Variants in CFAP43 observed in about 807,000 individuals in gnomAD.
CFAP43 encodes the protein cilia- and flagella-associated protein 43.
A neutral mutation model predicts 218.9 loss-of-function variants in CFAP43; 155 were observed. That is an observed-to-expected ratio of 0.71 (90% CI 0.62 to 0.81). The LOEUF is 0.81. Among genes scored for constraint, CFAP43 ranks in the 30% least tolerant of loss-of-function variants. The pLI is 0.00. For missense variants in CFAP43, 1,778 were observed against 1,954.3 expected (o/e 0.91, Z 1.70); for synonymous variants, 645 against 681.3 (o/e 0.95, Z 0.83).
intron 3 of CFAP43, among the ~76,000 whole-genome samples, chr10:104,221,391 G>C (rs555359544): frequency 6.6e-6 from 1 of 152,260 alleles, no homozygotes; most frequent in Admixed American, 6.5e-5. Context: ...TGGGGTATTG[G>C]GACTTTTGGG....
chr10:104,213,127 G>C (rs1401651033), intron 4 of CFAP43, among the ~76,000 whole-genome samples: 1 of 152,218 alleles, frequency 6.6e-6, no homozygotes, highest in Non-Finnish European at 1.5e-5. Flanking sequence ...TCTCACTAGA[G>C]ACAGATTTGG....
chr10:104,147,508 C>A (rs1007261266), intron 29 of CFAP43, among the ~76,000 whole-genome samples: 2 of 151,988 alleles, frequency 1.3e-5, no homozygotes, highest in African/African-American at 4.8e-5. Context: ...TAAATCTTAG[C>A]GTGTCCAGAG....
chr10:104,207,196 C>T (rs944201253), intron 6 of CFAP43, among the ~76,000 whole-genome samples: 6 of 152,026 alleles, frequency 3.9e-5, no homozygotes, highest in Admixed American at 3.9e-4. Context: ...AAAACAACAC[C>T]TCTAACCGAG....
At chr10:104,136,195 G>A (rs781616400) in intron 34 of CFAP43, among the ~76,000 whole-genome samples, 2 of 131,100 alleles carry the variant, frequency 1.5e-5, no homozygotes, top group East Asian at 4.8e-4. Flanking sequence ...AGGTTGCAGT[G>A]AGCCAAGATC....
At chr10:104,191,773 A>G (rs2090226364) in intron 12 of CFAP43, among the ~76,000 whole-genome samples, 1 of 114,414 alleles carries the variant, frequency 8.7e-6, no homozygotes, top group African/African-American at 3.9e-5. Flanking sequence ...GAGAATTTTA[A>G]AAAAAATTGT....
chr10:104,149,226 G>C (rs2088130091), intron 28 of CFAP43, among the ~76,000 whole-genome samples: 1 of 152,138 alleles, frequency 6.6e-6, no homozygotes, highest in African/African-American at 2.4e-5. Context: ...AAGACTATAG[G>C]TGGTATTGTG....
intron 19 of CFAP43, among the ~76,000 whole-genome samples, chr10:104,173,667 C>T (rs892689452): frequency 2.6e-4 from 40 of 152,180 alleles, no homozygotes; most frequent in African/African-American, 9.7e-4. Flanking sequence ...ACCACCCCCA[C>T]CACACAATGG....
chr10:104,216,306 C>T (rs75783626), intron 3 of CFAP43, among the ~76,000 whole-genome samples: 19,221 of 152,226 alleles, frequency 0.13, 1,339 homozygotes, highest in South Asian at 0.21. Flanking sequence ...TTCACCACAA[C>T]CACCTTCTGG....
At chr10:104,220,830 G>A (rs187065897) in intron 3 of CFAP43, among the ~76,000 whole-genome samples, 102 of 152,300 alleles carry the variant, frequency 6.7e-4, no homozygotes, top group African/African-American at 2.4e-3. Flanking sequence ...TGTATGCCCT[G>A]GTAGAACAGT....
In CFAP43 at chr10:104,141,516, G is replaced by T. The variant is rs553846048; in HGVS notation, c.4272-515C>A. 5.2e-3 allele frequency among the ~76,000 whole-genome samples: 797 copies of T among 152,180 alleles called. 3 individuals carry two copies. Among genetic ancestry groups the T allele is most frequent in the Non-Finnish European group, 9.7e-3 (659 of 68,004 alleles). On this transcript the variant is annotated intron_variant, in intron 33 of 37. Transcript: ENST00000357060. ...AATCCCAGCTGCTTGGGAGGCTGAG[G>T]CATGAGATCTCTTGAACCTGGGAGG... is the stretch of plus-strand genomic sequence containing the variant.
intron 23 of CFAP43, among the ~76,000 whole-genome samples, chr10:104,164,706 T>C (rs1434714078): frequency 6.6e-6 from 1 of 152,174 alleles, no homozygotes; most frequent in Non-Finnish European, 1.5e-5. Flanking sequence ...CCCCACAAAT[T>C]ATCTTTTAAG....
intron 3 of CFAP43, among the ~76,000 whole-genome samples, chr10:104,221,779 CTCTT>C (rs533415074): frequency 3.4e-4 from 52 of 152,166 alleles, no homozygotes; most frequent in Non-Finnish European, 7.2e-4. Flanking sequence ...AAGTTTCAGT[CTCTT>C]TCTTTAAAAT....
At chr10:104,139,895 AAT>A (rs2087628681) in intron 34 of CFAP43, among the ~76,000 whole-genome samples, 2 of 152,202 alleles carry the variant, frequency 1.3e-5, no homozygotes, top group Admixed American at 6.5e-5. Flanking sequence ...AAATAATAGC[AAT>A]ATGTTTTGTG....
intron 19 of CFAP43, among the ~76,000 whole-genome samples, 185 bp downstream of exon 19, chr10:104,178,844 G>A (rs1341703611): frequency 1.3e-5 from 2 of 152,080 alleles, no homozygotes; most frequent in African/African-American, 2.4e-5. Context: ...GGGAAGATGG[G>A]GAAAACCGCT....
rs74389789 is a variant in CFAP43, at chr10:104,155,852, G to A, written c.3541-3126C>T. 6.8e-3 allele frequency among the ~76,000 whole-genome samples: 1,037 copies of A among 151,956 alleles called. 10 individuals are homozygous for A. Among genetic ancestry groups the A allele is most frequent in the Non-Finnish European group, 0.012 (836 of 67,984 alleles). On this transcript the variant is annotated intron_variant, in intron 27 of 37. Transcript: ENST00000357060. Reference sequence around the variant, plus strand: ...CTGAGGAACAGTAAGGAAATCAGTGGAACTGGAACAGTTAATGAGGGAAAG... The same window carrying A: ...CTGAGGAACAGTAAGGAAATCAGTGAAACTGGAACAGTTAATGAGGGAAAG...
intron 1 of CFAP43, 59 bp from the exon 2 acceptor site, chr10:104,230,902 A>T: frequency 7.0e-7 from 1 of 1,438,102 alleles, no homozygotes; most frequent in Non-Finnish European, 9.3e-7. Flanking sequence ...TTTTTTTTTT[A>T]ACAAAGCAAA....
chr10:104,164,504 TCTCCTGCCTCAGC>T (rs1003121918), intron 23 of CFAP43, among the ~76,000 whole-genome samples: 7 of 151,900 alleles, frequency 4.6e-5, no homozygotes, highest in Admixed American at 1.3e-4. Flanking sequence ...TTCACGCCAT[TCTCCTGCCTCAGC>T]CTCCTGAGTA....
In CFAP43 at chr10:104,203,726, T is replaced by G. The variant is rs1383189212; in HGVS notation, c.1041A>C (p.Val347=). ...AATTGGGAGAAAATGTCATATGTTC[T>G]ACAGGTCTTTCAATCTCAAGAAAAT... ...IEDFLEIERP[V]EHMTFSPNYT... is the part of the protein sequence containing the mutation. Residue 347 remains valine (V), a synonymous_variant, in exon 8 of 38, where the codon GTA becomes GTC. Coordinates refer to ENST00000357060, the MANE Select transcript of CFAP43 (RefSeq NM_025145.7). 6.2e-7 allele frequency: 1 copy of G among 1,611,852 alleles called. No individual in the cohort carries two copies. The highest frequency in any genetic ancestry group is 1.7e-5 in the Admixed American group (1 of 59,760).
intron 27 of CFAP43, 143 bp from the exon 28 acceptor site, chr10:104,152,869 A>G: frequency 1.3e-6 from 1 of 789,688 alleles, no homozygotes; most frequent in Non-Finnish European, 1.9e-6. Flanking sequence ...CTTAAACCAG[A>G]GATGCTCCCA....
Sources: allele counts gnomAD v4.1 joint callset (sites outside exome capture counted in the v4.1 genomes callset), GRCh38; gene constraint gnomAD v4.1.1; transcripts MANE v1.5; gene names NCBI Gene and HGNC (gene_info 2026-07-23, HGNC 2026-07-21).